Variants in TMPRSS15 observed in about 807,000 individuals in gnomAD.
TMPRSS15 encodes the protein enteropeptidase.
TMPRSS15 carries 128 observed loss-of-function variants against 125.3 expected under a neutral mutation model. The ratio of observed to expected loss-of-function variants is 1.02; its 90% CI spans 0.89 to 1.18. The LOEUF (loss-of-function observed/expected upper bound fraction) is 1.18, where lower values mean the gene tolerates loss of function less well. Among genes scored for constraint, TMPRSS15 ranks in the 50% most tolerant of loss-of-function variants. The pLI is 0.00. For missense variants in TMPRSS15, 1,283 were observed against 1,212.7 expected (o/e 1.06, Z -0.86); for synonymous variants, 446 against 423.2 (o/e 1.05, Z -0.66).
upstream of TMPRSS15, among the ~76,000 whole-genome samples, chr21:18,404,875 T>C (rs1022253892): frequency 5.3e-5 from 8 of 152,082 alleles, no homozygotes; most frequent in African/African-American, 1.7e-4. Context: ...ATGTATTTCA[T>C]TGAAAATATT....
chr21:18,272,711 G>C (rs2074572935), intron 24 of TMPRSS15, among the ~76,000 whole-genome samples: 1 of 151,796 alleles, frequency 6.6e-6, no homozygotes, highest in Non-Finnish European at 1.5e-5. Flanking sequence ...GGCAATAAGA[G>C]CAAAACTCTG....
intron 1 of TMPRSS15, among the ~76,000 whole-genome samples, chr21:18,483,667 A>G (rs1392490769): frequency 1.3e-5 from 2 of 151,926 alleles, no homozygotes; most frequent in African/African-American, 4.8e-5. Flanking sequence ...ATATCTGGAT[A>G]TTATTTCAAC....
chr21:18,277,285 C>T (rs537861753), intron 23 of TMPRSS15, among the ~76,000 whole-genome samples: 7 of 151,858 alleles, frequency 4.6e-5, no homozygotes, highest in East Asian at 3.9e-4. Context: ...AATAAGTAAA[C>T]GTAAGTCACA....
chr21:18,309,194 G>T (rs2075068404), intron 18 of TMPRSS15, among the ~76,000 whole-genome samples: 2 of 152,064 alleles, frequency 1.3e-5, no homozygotes, highest in African/African-American at 2.4e-5. Context: ...TGGGAAAACT[G>T]GCTAGCCATA....
In TMPRSS15 at chr21:18,276,687, C is replaced by A. The variant is rs1201193182; in HGVS notation, c.2765-1351G>T. ...TATCACCTCATTTCTTCCTAGTGAA[C>A]AATATGTTCATGGTTTTCCTAGCTA... On this transcript the variant is annotated intron_variant, in intron 23 of 24. Transcript: ENST00000284885. 2.0e-5 allele frequency among the ~76,000 whole-genome samples: 3 copies of A among 150,128 alleles called. No individual in the cohort carries two copies. In the East Asian group the frequency reaches 6.0e-4, roughly 30 times the overall value.
intron 1 of TMPRSS15, among the ~76,000 whole-genome samples, chr21:18,446,307 G>A (rs532214353): frequency 6.6e-6 from 1 of 151,950 alleles, no homozygotes; most frequent in South Asian, 2.1e-4. Context: ...AAATTGAAGA[G>A]GACACAAATC....
At chr21:18,305,232 A>G (rs938704632) in intron 18 of TMPRSS15, among the ~76,000 whole-genome samples, 1 of 117,720 alleles carries the variant, frequency 8.5e-6, no homozygotes, top group African/African-American at 3.3e-5. Flanking sequence ...TCTGTCGCCC[A>G]GGCTGGAGTG....
At chr21:18,288,784 C>T (rs2074798263) in intron 21 of TMPRSS15, among the ~76,000 whole-genome samples, 1 of 151,596 alleles carries the variant, frequency 6.6e-6, no homozygotes, top group African/African-American at 2.4e-5. Context: ...CTCAGGCCCG[C>T]CTCGGCCTCC....
chr21:18,282,323 C>T (rs993173708), intron 21 of TMPRSS15, among the ~76,000 whole-genome samples: 2 of 152,010 alleles, frequency 1.3e-5, no homozygotes, highest in African/African-American at 4.8e-5. Flanking sequence ...TTTCTTCACA[C>T]AAAGGAATTA....
At chr21:18,289,027 T>A (rs1353063274) in intron 21 of TMPRSS15, among the ~76,000 whole-genome samples, 1 of 152,152 alleles carries the variant, frequency 6.6e-6, no homozygotes, top group African/African-American at 2.4e-5. Context: ...AAATTAAGTA[T>A]TTAAAAATTA....
intron 1 of TMPRSS15, among the ~76,000 whole-genome samples, chr21:18,421,533 T>C (rs1236828470): frequency 6.6e-6 from 1 of 152,192 alleles, no homozygotes; most frequent in African/African-American, 2.4e-5. Flanking sequence ...TTTTCTTTCT[T>C]AGGGTTCATT....
chr21:18,378,605 G>C (rs528133179), intron 5 of TMPRSS15, among the ~76,000 whole-genome samples: 2 of 151,974 alleles, frequency 1.3e-5, no homozygotes, highest in Admixed American at 1.3e-4. Flanking sequence ...TAACATGGTA[G>C]TGATATTGTT....
At chr21:18,421,196 C>G (rs1222230884) in intron 1 of TMPRSS15, among the ~76,000 whole-genome samples, 1 of 152,076 alleles carries the variant, frequency 6.6e-6, no homozygotes. Context: ...CAGCATATTT[C>G]AAATGGATTC....
chr21:18,345,504 G>T (rs2075495301), intron 10 of TMPRSS15, among the ~76,000 whole-genome samples: 1 of 151,554 alleles, frequency 6.6e-6, no homozygotes, highest in Non-Finnish European at 1.5e-5. Context: ...CACTTTGGGA[G>T]GCCGAGGCGG....
chr21:18,408,566 C>T (rs565215958), upstream of TMPRSS15, among the ~76,000 whole-genome samples: 503 of 152,154 alleles, frequency 3.3e-3, 7 homozygotes, highest in African/African-American at 0.011. Flanking sequence ...TTGCTTTTCT[C>T]CAAGACTGGT....
In TMPRSS15 at chr21:18,304,134, G is replaced by C. The variant is rs191940885; in HGVS notation, c.2166-6305C>G. Among the ~76,000 whole-genome samples, 93 of 152,256 alleles carry C rather than the reference G, an allele frequency of 6.1e-4. 4 individuals are homozygous for C. The South Asian group carries it at 0.019, about 31-fold the overall frequency. ...TTTGATTTCATCTATGCCAGGGTTC[G>C]TGGGGGTCTGGGGTGGTTCTAACAA... On this transcript the variant is annotated intron_variant, in intron 18 of 24. Coordinates refer to ENST00000284885, the MANE Select transcript of TMPRSS15 (RefSeq NM_002772.3).
intron 21 of TMPRSS15, among the ~76,000 whole-genome samples, chr21:18,282,962 T>A (rs1164940865): frequency 6.6e-6 from 1 of 152,106 alleles, no homozygotes; most frequent in Admixed American, 6.5e-5. Context: ...TGCTCCCACA[T>A]AGGGGAAGTT....
intron 10 of TMPRSS15, among the ~76,000 whole-genome samples, chr21:18,345,305 A>G (rs572864870): frequency 1.6e-3 from 243 of 152,248 alleles, no homozygotes; most frequent in Non-Finnish European, 2.9e-3. Context: ...TAGTGTTCTA[A>G]TTATATGACT....
chr21:18,345,740 C>CA (rs1235619873), intron 10 of TMPRSS15, among the ~76,000 whole-genome samples: 408 of 15,538 alleles, frequency 0.026, 52 homozygotes, highest in African/African-American at 0.046. Flanking sequence ...GACTCCGTCT[C>CA]AAAAAAAAAA....
Sources: allele counts gnomAD v4.1 joint callset (sites outside exome capture counted in the v4.1 genomes callset), GRCh38; gene constraint gnomAD v4.1.1; transcripts MANE v1.5; gene names NCBI Gene and HGNC (gene_info 2026-07-23, HGNC 2026-07-21).